TMEM132C: variants seen among roughly 807,000 people sequenced by gnomAD.
TMEM132C encodes protein phosphatase 1, regulatory subunit 152.
TMEM132C carries 29 observed loss-of-function variants against 61.4 expected under a neutral mutation model. The observed-to-expected ratio is 0.47, with a 90% CI of 0.35 to 0.64. The LOEUF is 0.64. TMEM132C is among the 30% of genes least tolerant of loss of function. The probability of loss-of-function intolerance (pLI) is 0.00; values close to 1 mark genes in which losing one functional copy is unlikely to be tolerated. For synonymous variants in TMEM132C, 656 were observed against 633.1 expected, an observed-to-expected ratio of 1.04 and a Z score of -0.54; for missense variants, 1,408 against 1,476.9, an observed-to-expected ratio of 0.95 and a Z score of 0.76.
In TMEM132C at chr12:128,683,681, T is replaced by C. The variant is rs74430168; in HGVS notation, c.1450-10148T>C. Reference sequence around the variant, plus strand: ...TGTACAGCAGACACTTAATAAGTGTTGGTCGCCAGGCGCAGTGGCTCACGC... The same window carrying C: ...TGTACAGCAGACACTTAATAAGTGTCGGTCGCCAGGCGCAGTGGCTCACGC... On this transcript the variant is annotated intron_variant, in intron 5 of 8. Transcript: ENST00000435159. Among the ~76,000 whole-genome samples the C allele has an allele frequency of 7.9e-4, 121 of 152,346 alleles. 1 individual carries two copies. The highest frequency in any genetic ancestry group is 6.4e-3 in the East Asian group (33 of 5,184).
At chr12:128,683,656 T>C (rs896319484) in intron 5 of TMEM132C, among the ~76,000 whole-genome samples, 13 of 152,210 alleles carry the variant, frequency 8.5e-5, no homozygotes, top group African/African-American at 3.1e-4. Context: ...CAGAAACTAG[T>C]GTACAGCAGA....
chr12:128,343,434 A>C (rs1425193312), intron 1 of TMEM132C, among the ~76,000 whole-genome samples: 1 of 151,998 alleles, frequency 6.6e-6, no homozygotes, highest in Non-Finnish European at 1.5e-5. Flanking sequence ...AAAAAAAAAA[A>C]AAAAGGAGCT....
chr12:128,512,781 C>T (rs1872605678), intron 2 of TMEM132C, among the ~76,000 whole-genome samples: 1 of 152,170 alleles, frequency 6.6e-6, no homozygotes, highest in South Asian at 2.1e-4. Flanking sequence ...AGCCTGTTCC[C>T]CACACTGCAG....
chr12:128,702,600 G>T (rs1954811870), intron 8 of TMEM132C, among the ~76,000 whole-genome samples: 1 of 152,122 alleles, frequency 6.6e-6, no homozygotes, highest in Non-Finnish European at 1.5e-5. Context: ...CTTGAGCCCT[G>T]GTTGCTCGGC....
chr12:128,388,531 C>A (rs913697773), intron 1 of TMEM132C, among the ~76,000 whole-genome samples: 3 of 152,240 alleles, frequency 2.0e-5, no homozygotes, highest in Non-Finnish European at 4.4e-5. Context: ...GTGAGGCCCC[C>A]TGGGCCTAGA....
At chr12:128,323,115 G>T (rs1176710713) in intron 1 of TMEM132C, among the ~76,000 whole-genome samples, 1 of 152,146 alleles carries the variant, frequency 6.6e-6, no homozygotes, top group Non-Finnish European at 1.5e-5. Flanking sequence ...CATCGTTGTG[G>T]GTGAAGTACT....
chr12:128,662,125 A>G (rs1408157423), intron 4 of TMEM132C, among the ~76,000 whole-genome samples: 1 of 152,228 alleles, frequency 6.6e-6, no homozygotes, highest in African/African-American at 2.4e-5. Context: ...AAGTGCTAAC[A>G]TAAATACATT....
rs531218431 is a variant in TMEM132C, at chr12:128,625,332, ATAGAC to A, written c.1305+8998_1305+9002del. Reference sequence around the variant, plus strand: ...CTGGTGAGGACTTGCCTCCTGGTGCATAGACAGTGGCTTCTCACTGTGTCCCCACG... The same window carrying A: ...CTGGTGAGGACTTGCCTCCTGGTGCAAGTGGCTTCTCACTGTGTCCCCACG... On this transcript the variant is annotated intron_variant, in intron 4 of 8. Coordinates refer to ENST00000435159, the MANE Select transcript of TMEM132C (RefSeq NM_001136103.3). Among the ~76,000 whole-genome samples the A allele has an allele frequency of 3.6e-3, 541 of 152,332 alleles. 3 individuals carry two copies. Among genetic ancestry groups the A allele is most frequent in the Non-Finnish European group, 6.2e-3 (419 of 68,018 alleles).
intron 1 of TMEM132C, chr12:128,289,026 C>T (rs1871166240): frequency 6.6e-6 from 1 of 152,174 alleles, no homozygotes; most frequent in Non-Finnish European, 1.5e-5. Flanking sequence ...CACATGCACA[C>T]TCACATTCAC....
At chr12:128,526,967 G>T (rs1044203973) in intron 2 of TMEM132C, among the ~76,000 whole-genome samples, 1 of 152,158 alleles carries the variant, frequency 6.6e-6, no homozygotes, top group Admixed American at 6.5e-5. Context: ...CTAGACAGTG[G>T]CAGTGAGCTG....
chr12:128,402,727 T>C (rs556725000), intron 1 of TMEM132C, among the ~76,000 whole-genome samples: 1 of 152,344 alleles, frequency 6.6e-6, no homozygotes, highest in Non-Finnish European at 1.5e-5. Flanking sequence ...AGCCATTGGC[T>C]GAGCTTAACT....
intron 4 of TMEM132C, among the ~76,000 whole-genome samples, chr12:128,627,746 C>A (rs1158636356): frequency 1.3e-5 from 2 of 152,162 alleles, no homozygotes; most frequent in African/African-American, 4.8e-5. Context: ...TCTGATGCCT[C>A]CCCCCGCCCT....
At chr12:128,700,033 A>G (rs1366438182) in intron 8 of TMEM132C, among the ~76,000 whole-genome samples, 2 of 152,174 alleles carry the variant, frequency 1.3e-5, no homozygotes, top group African/African-American at 4.8e-5. Context: ...GGAGAGAGAA[A>G]GCTGAAAGCA....
Position 128,267,304 on chromosome 12 carries a change from C to A in TMEM132C, c.-99C>A. 1 of 770,320 alleles carries A rather than the reference C, an allele frequency of 1.3e-6. No individual in the cohort carries two copies. Among genetic ancestry groups the A allele is most frequent in the Non-Finnish European group, 1.6e-6 (1 of 634,966 alleles). The allele number at this position is 770,320 out of a possible 1,614,324, so 47.7% of individuals were successfully genotyped here. ...GACGCAGCGGGCCCGGCCGACCGGG[C>A]TGCGGGAGTGGCCCCGGGCATGGGG... is the stretch of plus-strand genomic sequence containing the variant. On this transcript the variant is annotated 5_prime_UTR_variant, in exon 1 of 9. In the 5' UTR this introduces an upstream ATG that the reference lacks. Transcript: ENST00000435159.
intron 1 of TMEM132C, among the ~76,000 whole-genome samples, chr12:128,272,236 C>T (rs754185660): frequency 6.6e-6 from 1 of 152,132 alleles, no homozygotes; most frequent in Non-Finnish European, 1.5e-5. Context: ...TTATTTGTCT[C>T]TAGAGTTTTA....
At chr12:128,292,143 A>G (rs1246294333) in intron 1 of TMEM132C, among the ~76,000 whole-genome samples, 2 of 152,096 alleles carry the variant, frequency 1.3e-5, no homozygotes, top group Non-Finnish European at 2.9e-5. Context: ...TGTTCCAGTA[A>G]CTACAGCATT....
chr12:128,582,031 C>T (rs553998481), intron 3 of TMEM132C, among the ~76,000 whole-genome samples: 1 of 152,304 alleles, frequency 6.6e-6, no homozygotes, highest in Non-Finnish European at 1.5e-5. Flanking sequence ...GTCAGAGATT[C>T]CAACGACAGG....
At chr12:128,499,356 A>C (rs1262444509) in intron 2 of TMEM132C, among the ~76,000 whole-genome samples, 1 of 152,210 alleles carries the variant, frequency 6.6e-6, no homozygotes, top group African/African-American at 2.4e-5. Flanking sequence ...TGATCAAATT[A>C]GGGTAATTGG....
At chr12:128,677,846 G>A (rs567438722) in intron 5 of TMEM132C, among the ~76,000 whole-genome samples, 1 of 152,350 alleles carries the variant, frequency 6.6e-6, no homozygotes, top group Non-Finnish European at 1.5e-5. Flanking sequence ...CCAGTGCAGA[G>A]CTAAAAATAA....
Sources: allele counts gnomAD v4.1 joint callset (sites outside exome capture counted in the v4.1 genomes callset), GRCh38; gene constraint gnomAD v4.1.1; transcripts MANE v1.5; gene names NCBI Gene and HGNC (gene_info 2026-07-23, HGNC 2026-07-21).